RORA: variants seen among roughly 807,000 people sequenced by gnomAD.
RORA encodes RAR related orphan receptor A.
In RORA, 7 loss-of-function variants were observed where a neutral mutation model predicts 69.5. The observed-to-expected ratio is 0.10, with a 90% confidence interval of 0.06 to 0.19. The LOEUF (loss-of-function observed/expected upper bound fraction) is 0.19, where lower values mean the gene tolerates loss of function less well. RORA is among the 10% of genes least tolerant of loss of function. The probability of loss-of-function intolerance (pLI) is 1.00; values close to 1 mark genes in which losing one functional copy is unlikely to be tolerated. For missense variants in RORA, 457 were observed against 663.0 expected (o/e 0.69, Z 3.41); for synonymous variants, 261 against 240.8 (o/e 1.08, Z -0.78).
chr15:60,573,532 C>G (rs2067943254), intron 2 of RORA, among the ~76,000 whole-genome samples: 1 of 152,212 alleles, frequency 6.6e-6, no homozygotes, highest in Non-Finnish European at 1.5e-5. Context: ...GGCAGCCTCC[C>G]TCCGTGGCCT....
intron 1 of RORA, among the ~76,000 whole-genome samples, chr15:60,933,171 T>C (rs1189476369): frequency 6.6e-6 from 1 of 152,212 alleles, no homozygotes; most frequent in Non-Finnish European, 1.5e-5. Flanking sequence ...AGTGCCATGA[T>C]GATCATACTA....
intron 1 of RORA, among the ~76,000 whole-genome samples, chr15:61,059,580 A>G (rs1465070376): frequency 6.6e-6 from 1 of 152,176 alleles, no homozygotes; most frequent in Non-Finnish European, 1.5e-5. Context: ...CTGCTTTGAG[A>G]TACGTTATTG....
At chr15:61,067,480 G>A (rs1010071055) in intron 1 of RORA, among the ~76,000 whole-genome samples, 7 of 152,136 alleles carry the variant, frequency 4.6e-5, no homozygotes, top group Non-Finnish European at 7.3e-5. Flanking sequence ...TGTCGACAAC[G>A]AGGGTAATGG....
intron 1 of RORA, among the ~76,000 whole-genome samples, chr15:60,889,923 C>G (rs951587426): frequency 6.6e-6 from 1 of 152,204 alleles, no homozygotes; most frequent in Admixed American, 6.5e-5. Flanking sequence ...TATAAAATTA[C>G]TTGTGACACA....
At chr15:60,597,831 G>A (rs1263213673) in intron 2 of RORA, among the ~76,000 whole-genome samples, 2 of 150,286 alleles carry the variant, frequency 1.3e-5, no homozygotes, top group South Asian at 2.1e-4. Context: ...CCTACCACTC[G>A]AACATCCTGT....
At chr15:60,930,480 G>A (rs1399769480) in intron 1 of RORA, among the ~76,000 whole-genome samples, 2 of 152,160 alleles carry the variant, frequency 1.3e-5, no homozygotes, top group African/African-American at 2.4e-5. Flanking sequence ...AAATATACAA[G>A]TGACCCAACA....
chr15:61,220,954 T>C (rs1371405843), intron 1 of RORA, among the ~76,000 whole-genome samples: 1 of 152,156 alleles, frequency 6.6e-6, no homozygotes, highest in Non-Finnish European at 1.5e-5. Flanking sequence ...CAAACAGGCA[T>C]TGTTAATCTC....
At chr15:60,893,916 G>C (rs1035515637) in intron 1 of RORA, among the ~76,000 whole-genome samples, 1 of 152,194 alleles carries the variant, frequency 6.6e-6, no homozygotes, top group African/African-American at 2.4e-5. Flanking sequence ...GAGAAAAGGA[G>C]GACCCAAACC....
chr15:60,642,348 C>T lies in RORA; in HGVS notation c.196+36309G>A, dbSNP rs146478248. On this transcript the variant is annotated intron_variant, in intron 2 of 10. Coordinates refer to ENST00000335670, the MANE Select transcript of RORA (RefSeq NM_134261.3). ...TGAAAAGACAGATTTGGTGCCATTC[C>T]GTGGGACAAATTTGGAACCGGTGAG... Among the ~76,000 whole-genome samples, 47 of 152,214 alleles carry T rather than the reference C, an allele frequency of 3.1e-4. 1 individual carries two copies. The East Asian group carries it at 7.3e-3, about 24-fold the overall frequency.
At chr15:61,228,924 G>T in intron 1 of RORA, 129 bp downstream of exon 1, 1 of 213,838 alleles carries the variant, frequency 4.7e-6, no homozygotes, top group Non-Finnish European at 7.9e-6. Context: ...GGTCCTCCGG[G>T]CTCGGGGCGC....
At chr15:61,017,423 T>C (rs1364998740) in intron 1 of RORA, among the ~76,000 whole-genome samples, 2 of 152,206 alleles carry the variant, frequency 1.3e-5, no homozygotes, top group African/African-American at 4.8e-5. Context: ...GCTGAGAGCC[T>C]AATTAGGTCC....
intron 1 of RORA, among the ~76,000 whole-genome samples, chr15:61,193,495 A>G (rs1208225110): frequency 6.6e-6 from 1 of 152,168 alleles, no homozygotes; most frequent in East Asian, 1.9e-4. Context: ...AGAAAAGCCA[A>G]CACAGGAACA....
At chr15:60,811,320 G>A (rs759957607) in intron 1 of RORA, among the ~76,000 whole-genome samples, 18 of 152,172 alleles carry the variant, frequency 1.2e-4, no homozygotes, top group Non-Finnish European at 2.4e-4. Context: ...ATGGCACTGG[G>A]TTCTGTGATA....
intron 2 of RORA, among the ~76,000 whole-genome samples, chr15:60,597,412 A>C (rs1379709093): frequency 6.7e-6 from 1 of 148,170 alleles, no homozygotes; most frequent in East Asian, 2.0e-4. Flanking sequence ...CAAGGCAGGA[A>C]GGGGAGAAAT....
intron 2 of RORA, chr15:60,547,757 T>C (rs2067118061): frequency 6.6e-6 from 1 of 152,048 alleles, no homozygotes; most frequent in Non-Finnish European, 1.5e-5. Context: ...ATGGAGAATA[T>C]GAAAACATTG....
At chr15:60,911,830 G>GCACGT (rs1327307443) in intron 1 of RORA, among the ~76,000 whole-genome samples, 1 of 150,236 alleles carries the variant, frequency 6.7e-6, no homozygotes, top group African/African-American at 2.5e-5. Context: ...CTCCCAAATA[G>GCACGT]CTGGGATTAC....
intron 1 of RORA, among the ~76,000 whole-genome samples, chr15:61,023,056 C>T (rs748243834): frequency 6.6e-6 from 1 of 151,626 alleles, no homozygotes; most frequent in Admixed American, 6.6e-5. Flanking sequence ...GGCGTGGTGG[C>T]GGGCACCTGT....
intron 1 of RORA, among the ~76,000 whole-genome samples, chr15:61,070,273 G>A (rs1029915588): frequency 6.6e-6 from 1 of 152,096 alleles, no homozygotes; most frequent in South Asian, 2.1e-4. Context: ...ACACACACCC[G>A]TATGCCCCCA....
intron 2 of RORA, among the ~76,000 whole-genome samples, chr15:60,624,615 T>C (rs1050283370): frequency 6.6e-6 from 1 of 150,796 alleles, no homozygotes; most frequent in African/African-American, 2.4e-5. Context: ...AATTATTCAT[T>C]GGAAATGTAT....
Sources: gnomAD v4.1 joint callset for allele counts (sites outside exome capture counted in the v4.1 genomes callset) on GRCh38, gnomAD v4.1.1 for gene constraint, MANE v1.5 for transcripts, NCBI Gene and HGNC (gene_info 2026-07-23, HGNC 2026-07-21) for gene names.